Variants in PIK3C2G observed in about 807,000 individuals in gnomAD.
PIK3C2G encodes phosphatidylinositol 3-kinase C2 domain-containing subunit gamma.
Under a neutral mutation model 181.1 loss-of-function variants are expected in PIK3C2G, and 168 were observed. The observed-to-expected ratio is 0.93, with a 90% CI of 0.82 to 1.05. PIK3C2G has a LOEUF of 1.05. PIK3C2G is among the 50% of genes least tolerant of loss of function. PIK3C2G has a pLI of 0.00. For missense variants in PIK3C2G, 1,869 were observed against 1,732.8 expected, an observed-to-expected ratio of 1.08 and a Z score of -1.40; for synonymous variants, 573 against 592.2, an observed-to-expected ratio of 0.97 and a Z score of 0.47.
chr12:18,355,643 T>C (rs1247266231), intron 11 of PIK3C2G, among the ~76,000 whole-genome samples: 3 of 152,102 alleles, frequency 2.0e-5, no homozygotes, highest in Non-Finnish European at 4.4e-5. Flanking sequence ...CACTTAGCTG[T>C]TGGGCACAGC....
At chr12:18,547,240 T>C (rs970225958) in intron 26 of PIK3C2G, among the ~76,000 whole-genome samples, 2 of 151,956 alleles carry the variant, frequency 1.3e-5, no homozygotes, top group Non-Finnish European at 2.9e-5. Flanking sequence ...TAAAACCTCT[T>C]CCAGGTTTTA....
At chr12:18,498,854 T>A (rs1319889751) in intron 22 of PIK3C2G, among the ~76,000 whole-genome samples, 1 of 152,238 alleles carries the variant, frequency 6.6e-6, no homozygotes, top group African/African-American at 2.4e-5. Context: ...AATCTCTAGT[T>A]CCTACAACAG....
At chr12:18,334,782 G>A (rs560571122) in intron 8 of PIK3C2G, among the ~76,000 whole-genome samples, 8 of 152,042 alleles carry the variant, frequency 5.3e-5, no homozygotes, top group Admixed American at 3.9e-4. Flanking sequence ...CTCACCTTGC[G>A]AATCAGCCAT....
chr12:18,474,188 T>TAACATTAGCTACTATTGAGA (rs1938740372), intron 18 of PIK3C2G, among the ~76,000 whole-genome samples: 1 of 152,128 alleles, frequency 6.6e-6, no homozygotes, highest in African/African-American at 2.4e-5. Flanking sequence ...GTCAATTGAG[T>TAACATTAGCTACTATTGAGA]ATCATTAGCT....
intron 30 of PIK3C2G, among the ~76,000 whole-genome samples, chr12:18,605,731 C>T (rs889334955): frequency 1.3e-5 from 2 of 152,074 alleles, no homozygotes; most frequent in African/African-American, 2.4e-5. Context: ...AATATCTTAG[C>T]GTCTTCTTGA....
rs1417572967 is a variant in PIK3C2G at position 18,598,584 on chromosome 12, A to G, written c.4087+4015A>G. 3.3e-5 allele frequency among the ~76,000 whole-genome samples: 5 copies of G among 151,404 alleles called. No homozygotes were observed. The South Asian group carries it at 6.3e-4, about 19-fold the overall frequency. On this transcript the variant is annotated intron_variant, in intron 30 of 32. Transcript: ENST00000538779. Reference sequence around the variant, plus strand: ...AGGCATTACCATTCAGGACATAGGCATGGGCAAGGACTTCATGTCTAAAAC... The same window carrying G: ...AGGCATTACCATTCAGGACATAGGCGTGGGCAAGGACTTCATGTCTAAAAC...
chr12:18,289,184 T>G (rs1298839840), intron 3 of PIK3C2G, among the ~76,000 whole-genome samples: 1 of 152,146 alleles, frequency 6.6e-6, no homozygotes, highest in African/African-American at 2.4e-5. Flanking sequence ...CAAAAGAAGA[T>G]CAAATGGAAT....
chr12:18,668,662 G>T, the PIK3C2G span, among the ~76,000 whole-genome samples: 4 of 152,258 alleles, frequency 2.6e-5, no homozygotes, highest in African/African-American at 9.6e-5. Context: ...AGAGCAAAGT[G>T]CTGCTCACTT....
chr12:18,698,859 T>C, the PIK3C2G span, among the ~76,000 whole-genome samples: 2 of 152,170 alleles, frequency 1.3e-5, no homozygotes, highest in Non-Finnish European at 2.9e-5. Context: ...CACTATCAAA[T>C]ACTATGTCTT....
chr12:18,700,594 G>T, the PIK3C2G span, among the ~76,000 whole-genome samples: 11 of 147,438 alleles, frequency 7.5e-5, no homozygotes, highest in Admixed American at 1.4e-4. Context: ...ATGATATAAA[G>T]CTGACTCCTT....
chr12:18,248,329 T>C (rs1305151113), intron 1 of PIK3C2G, among the ~76,000 whole-genome samples: 2 of 151,970 alleles, frequency 1.3e-5, no homozygotes, highest in South Asian at 2.1e-4. Context: ...TCCCAGCACT[T>C]TGGGAGGCCG....
intron 29 of PIK3C2G, among the ~76,000 whole-genome samples, chr12:18,585,659 G>T (rs1239879258): frequency 6.6e-6 from 1 of 152,148 alleles, no homozygotes; most frequent in African/African-American, 2.4e-5. Context: ...AATTAACAAA[G>T]ATGTTGAGGA....
At chr12:18,489,735 T>C (rs772029278) in intron 19 of PIK3C2G, among the ~76,000 whole-genome samples, 1 of 152,166 alleles carries the variant, frequency 6.6e-6, no homozygotes, top group Non-Finnish European at 1.5e-5. Context: ...AAAAAGTTGA[T>C]GGCAAGTTAA....
At chr12:18,430,449 C>T (rs1946092426) in intron 18 of PIK3C2G, among the ~76,000 whole-genome samples, 1 of 152,190 alleles carries the variant, frequency 6.6e-6, no homozygotes, top group African/African-American at 2.4e-5. Context: ...CTCCCATTTG[C>T]AAGCTCTATC....
chr12:18,668,069 C>A, the PIK3C2G span, among the ~76,000 whole-genome samples: 6 of 152,176 alleles, frequency 3.9e-5, no homozygotes, highest in Non-Finnish European at 8.8e-5. Context: ...TTCGTCTCCA[C>A]TTAGCGTAAT....
chr12:18,508,513 T>C (rs1029949708), intron 24 of PIK3C2G, among the ~76,000 whole-genome samples: 1 of 152,190 alleles, frequency 6.6e-6, no homozygotes, highest in African/African-American at 2.4e-5. Flanking sequence ...AGGACCTTTG[T>C]ATTCCCCTAG....
the PIK3C2G span, among the ~76,000 whole-genome samples, chr12:18,676,444 A>G: frequency 2.6e-5 from 4 of 152,098 alleles, no homozygotes; most frequent in African/African-American, 9.7e-5. Context: ...TTGCTTCTTC[A>G]GTGAAAATGC....
At chr12:18,632,346 A>T (rs1949384790) in intron 31 of PIK3C2G, among the ~76,000 whole-genome samples, 1 of 152,184 alleles carries the variant, frequency 6.6e-6, no homozygotes, top group Non-Finnish European at 1.5e-5. Context: ...TAATCTTTAA[A>T]ATCCCATGAT....
chr12:18,467,087 G>A (rs988284928), intron 18 of PIK3C2G, among the ~76,000 whole-genome samples: 1 of 151,858 alleles, frequency 6.6e-6, no homozygotes, highest in Non-Finnish European at 1.5e-5. Flanking sequence ...CTTTACTATT[G>A]TCATTCATAG....
Sources: gnomAD v4.1 joint callset for allele counts (sites outside exome capture counted in the v4.1 genomes callset) on GRCh38, gnomAD v4.1.1 for gene constraint, MANE v1.5 for transcripts, NCBI Gene and HGNC (gene_info 2026-07-23, HGNC 2026-07-21) for gene names.